The following ARHGEF16 variants were observed in gnomAD, a reference collection of about 807,000 sequenced individuals.
ARHGEF16 encodes the protein Rho guanine nucleotide exchange factor 16.
A neutral mutation model predicts 74.1 loss-of-function variants in ARHGEF16; 59 were observed. The observed-to-expected ratio is 0.80, with a 90% CI of 0.65 to 0.99. ARHGEF16 has a LOEUF of 0.99. Ranked by LOEUF, ARHGEF16 falls within the 50% of genes least tolerant of loss-of-function variation. The pLI, the probability that ARHGEF16 is intolerant of heterozygous loss-of-function variation, is 0.00. For missense variants in ARHGEF16, 948 were observed against 986.6 expected, an observed-to-expected ratio of 0.96 and a Z score of 0.52; for synonymous variants, 415 against 412.6, an observed-to-expected ratio of 1.01 and a Z score of -0.07.
In ARHGEF16 at chr1:3,478,036, G is replaced by C; in HGVS notation, c.1625+10G>C. 6.2e-7 allele frequency: 1 copy of C among 1,612,656 alleles called. No homozygotes were observed. The highest frequency in any genetic ancestry group is 8.5e-7 in the Non-Finnish European group (1 of 1,179,866). ...TGACCAAGAAGAAGAGGTGGCCTTA[G>C]GGCAGGAGGGTGTGGGGAGCCCCAC... On this transcript the variant is annotated intron_variant, in intron 11 of 14. Transcript: ENST00000378378.
At position 3,480,594 on chromosome 1, in the gene ARHGEF16, C is replaced by G. The variant is rs996811562; in HGVS notation, c.*7C>G. Reference sequence around the variant, plus strand: ...GGTGGAGACGGACGTGTAGCCCTGGCGAGGCCAGCCGGCGGCAGCACAGCC... The same window carrying G: ...GGTGGAGACGGACGTGTAGCCCTGGGGAGGCCAGCCGGCGGCAGCACAGCC... On this transcript the variant is annotated 3_prime_UTR_variant, in exon 15 of 15. Coordinates refer to ENST00000378378, the MANE Select transcript of ARHGEF16 (RefSeq NM_014448.4). The G allele has an allele frequency of 5.0e-6, 8 of 1,601,990 alleles. No homozygotes were observed. The highest frequency in any genetic ancestry group is 6.8e-6 in the Non-Finnish European group (8 of 1,178,194).
chr1:3,476,913 C>T (rs919937491), intron 10 of ARHGEF16, among the ~76,000 whole-genome samples: 12 of 152,226 alleles, frequency 7.9e-5, no homozygotes, highest in Admixed American at 7.2e-4. Flanking sequence ...AGCCCACACC[C>T]GTGCAGCCCT....
chr1:3,471,650 G>C, intron 6 of ARHGEF16: 1 of 1,223,192 alleles, frequency 8.2e-7, no homozygotes, highest in Non-Finnish European at 1.1e-6. Flanking sequence ...TCTGCCTCAG[G>C]CAGCTGCATG....
At chr1:3,462,812 G>T (rs1193282514) in intron 1 of ARHGEF16, among the ~76,000 whole-genome samples, 1 of 152,184 alleles carries the variant, frequency 6.6e-6, no homozygotes, top group Non-Finnish European at 1.5e-5. Context: ...GTCCCTTGGA[G>T]CTCGGAGAAC....
intron 8 of ARHGEF16, chr1:3,473,912 C>G: frequency 3.3e-6 from 1 of 306,218 alleles, no homozygotes; most frequent in East Asian, 8.8e-5. Context: ...TCTGTGGACG[C>G]AGAGAGGGGC....
At chr1:3,475,940 A>T in intron 9 of ARHGEF16, 30 bp from the exon 10 acceptor site, 1 of 1,542,240 alleles carries the variant, frequency 6.5e-7, no homozygotes, top group Non-Finnish European at 8.8e-7. Flanking sequence ...CTGTAGCACC[A>T]GCCTCTCACA....
chr1:3,479,385 C>T lies in ARHGEF16; in HGVS notation c.1815-132C>T, dbSNP rs1569884941. 36 of 999,360 alleles carry T rather than the reference C, an allele frequency of 3.6e-5. No homozygotes were observed. The East Asian group carries it at 7.2e-4, about 20-fold the overall frequency. The allele number at this position is 999,360 out of a possible 1,614,324, so 61.9% of individuals were successfully genotyped here. ...GTTAGCCTGCCTGGCACAGTCTGCC[C>T]AGCCACTCCTGCCCACCCCCACCAC... On this transcript the variant is annotated intron_variant, in intron 12 of 14. Transcript: ENST00000378378.
Position 3,478,493 on chromosome 1 carries a change from T to C in ARHGEF16, c.1695T>C (p.Ser565=), listed in dbSNP as rs1639958628. 1.1e-5 allele frequency: 17 copies of C among 1,612,544 alleles called. No individual in the cohort carries two copies. The African/African-American group carries it at 1.6e-4, about 15-fold the overall frequency. The part of the protein sequence containing the change: ...NHIQVEKIEP[S]ELPLPGGGNR... ...TCCAGGTGGAGAAGATAGAGCCGTC[T>C]GAGCTCCCTCTGCCCGGGGGCGGCA... Residue 565 remains serine, a synonymous_variant, in exon 12 of 15, where the codon TCT becomes TCC. Transcript: ENST00000378378.
At position 3,472,337 on chromosome 1, in the gene ARHGEF16, T is replaced by G. The variant is rs542776187; in HGVS notation, c.1023-741T>G. Among the ~76,000 whole-genome samples the G allele has an allele frequency of 2.0e-3, 301 of 152,268 alleles. 1 individual carries two copies. The highest frequency in any genetic ancestry group is 3.2e-3 in the Non-Finnish European group (215 of 67,998). On this transcript the variant is annotated intron_variant, in intron 6 of 14. Transcript: ENST00000378378. The stretch of plus-strand genomic sequence containing the variant: ...CAGCCCTGGCCTAGCTCTGACCAAG[T>G]GTTAACTCCCTTCATCCTGATCACC...
chr1:3,473,123 C>T lies in ARHGEF16; in HGVS notation c.1068C>T (p.Val356=), dbSNP rs1290751633. The change falls in exon 7 of 15, where the codon GTC becomes GTT. Residue 356 remains valine, a synonymous_variant. Coordinates refer to ENST00000378378, the MANE Select transcript of ARHGEF16 (RefSeq NM_014448.4). ...AGCGGCACAAGGCCCAGGTGCTGGT[C>T]GAGGACATCAGTGACATCCTGGAGG... is the stretch of plus-strand genomic sequence containing the variant. ...LEQRHKAQVL[V]EDISDILEEH... is the part of the protein sequence containing the mutation. 7 of 1,613,332 alleles carry T rather than the reference C, an allele frequency of 4.3e-6. No homozygotes were observed. Among genetic ancestry groups the T allele is most frequent in the South Asian group, 3.3e-5 (3 of 91,080 alleles).
chr1:3,471,722 T>G (rs1166544900), intron 6 of ARHGEF16: 3 of 1,220,520 alleles, frequency 2.5e-6, no homozygotes, highest in Admixed American at 3.2e-5. Context: ...TCCGGCCTCC[T>G]CCCCCAGCTG....
At chr1:3,472,609 C>A (rs995457671) in intron 6 of ARHGEF16, among the ~76,000 whole-genome samples, 10 of 152,236 alleles carry the variant, frequency 6.6e-5, no homozygotes, top group Admixed American at 6.5e-4. Context: ...TGTGCCTGTC[C>A]CCTGAGTCTC....
chr1:3,460,607 G>GC (rs1392422426), intron 1 of ARHGEF16, among the ~76,000 whole-genome samples: 1 of 152,204 alleles, frequency 6.6e-6, no homozygotes, highest in Non-Finnish European at 1.5e-5. Flanking sequence ...AGTGTGCTCT[G>GC]CTTGGCGTGT....
chr1:3,463,478 C>T lies in ARHGEF16; in HGVS notation c.394C>T (p.Leu132=). ...PKLLPAPSFS[L]DDMDVDKDPG... is the part of the protein sequence containing the mutation. Reference sequence around the variant, plus strand: ...GCTCCTCCCAGCCCCCAGCTTCTCCCTGGATGACATGGACGTGGACAAGGA... The same window carrying T: ...GCTCCTCCCAGCCCCCAGCTTCTCCTTGGATGACATGGACGTGGACAAGGA... Residue 132 remains leucine, a synonymous_variant, in exon 2 of 15, where the codon CTG becomes TTG. Coordinates refer to ENST00000378378, the MANE Select transcript of ARHGEF16 (RefSeq NM_014448.4). 6.5e-7 allele frequency: 1 copy of T among 1,527,258 alleles called. No individual in the cohort carries two copies. The highest frequency in any genetic ancestry group is 8.8e-7 in the Non-Finnish European group (1 of 1,135,238). The allele number at this position is 1,527,258 out of a possible 1,614,324, so 94.6% of individuals were successfully genotyped here. A position where few individuals can be genotyped will look rare whatever the true frequency, so the allele number is the denominator to read the frequency against.
chr1:3,478,037 G>A lies in ARHGEF16; in HGVS notation c.1625+11G>A. The A allele has an allele frequency of 6.2e-7, 1 of 1,612,680 alleles. No homozygotes were observed. The highest frequency in any genetic ancestry group is 8.5e-7 in the Non-Finnish European group (1 of 1,179,878). The stretch of plus-strand genomic sequence containing the variant: ...GACCAAGAAGAAGAGGTGGCCTTAG[G>A]GCAGGAGGGTGTGGGGAGCCCCACT... On this transcript the variant is annotated intron_variant, in intron 11 of 14. Coordinates refer to ENST00000378378, the MANE Select transcript of ARHGEF16 (RefSeq NM_014448.4).
chr1:3,459,809 C>T (rs1322380741), intron 1 of ARHGEF16, among the ~76,000 whole-genome samples: 1 of 152,102 alleles, frequency 6.6e-6, no homozygotes, highest in Non-Finnish European at 1.5e-5. Context: ...CTTCTGCCGG[C>T]ACAGGCATCG....
Position 3,480,850 on chromosome 1 carries a change from C to CT in ARHGEF16, c.*263_*264insT. The CT allele has an allele frequency of 2.4e-6, 1 of 418,388 alleles. No homozygotes were observed. Among genetic ancestry groups the CT allele is most frequent in the Non-Finnish European group, 4.0e-6 (1 of 251,648 alleles). The allele number at this position is 418,388 out of a possible 1,614,324, so 25.9% of individuals were successfully genotyped here. A position where few individuals can be genotyped will look rare whatever the true frequency, so the allele number is the denominator to read the frequency against. On this transcript the variant is annotated 3_prime_UTR_variant, in exon 15 of 15. Transcript: ENST00000378378. ...GCCTATTCCCGTTGGCTGGCTGGGC[C>CT]CCTCAGCTGCTGGGCCCCACCTCCC...
chr1:3,479,593 G>T lies in ARHGEF16; in HGVS notation c.1888+3G>T. On this transcript the variant is annotated splice_donor_region_variant and intron_variant, in intron 13 of 14. Coordinates refer to ENST00000378378, the MANE Select transcript of ARHGEF16 (RefSeq NM_014448.4). ...GCAGGGCCTCTCCAGCAAAGGAGGT[G>T]AGTGCGGGCTGGGGCCTGCAGGGCT... 1 of 1,610,940 alleles carries T rather than the reference G, an allele frequency of 6.2e-7. No individual in the cohort carries two copies. The highest frequency in any genetic ancestry group is 8.5e-7 in the Non-Finnish European group (1 of 1,179,208).
At position 3,479,574 on chromosome 1, in the gene ARHGEF16, C is replaced by T. The variant is rs1208021074; in HGVS notation, c.1872C>T (p.Gly624=). The change falls in exon 13 of 15, where the codon GGC becomes GGT. Residue 624 remains glycine, a synonymous_variant. Coordinates refer to ENST00000378378, the MANE Select transcript of ARHGEF16 (RefSeq NM_014448.4). ...ALTHSERQWQ[G]LSSKGDLPQV... ...CACACAGTGAGAGACAGTGGCAGGG[C>T]CTCTCCAGCAAAGGAGGTGAGTGCG... 1.9e-6 allele frequency: 3 copies of T among 1,611,836 alleles called. No individual in the cohort carries two copies. The highest frequency in any genetic ancestry group is 2.2e-5 in the East Asian group (1 of 44,836).
Sources: gnomAD v4.1 joint callset for allele counts (sites outside exome capture counted in the v4.1 genomes callset) on GRCh38, gnomAD v4.1.1 for gene constraint, MANE v1.5 for transcripts, NCBI Gene and HGNC (gene_info 2026-07-23, HGNC 2026-07-21) for gene names.